The following DCHS2 variants were observed in gnomAD, a reference collection of about 807,000 sequenced individuals.
DCHS2 encodes protocadherin-23.
In DCHS2, 142 loss-of-function variants were observed where a neutral mutation model predicts 182.4. The observed-to-expected ratio is 0.78, with a 90% CI of 0.68 to 0.89. DCHS2 has a LOEUF of 0.89. Ranked by LOEUF, DCHS2 falls within the 40% of genes least tolerant of loss-of-function variation. The pLI is 0.00. For synonymous variants in DCHS2, 1,740 were observed against 1,663.3 expected (o/e 1.05, Z -1.12); for missense variants, 4,319 against 4,198.6 (o/e 1.03, Z -0.79).
At chr4:154,465,043 G>A (rs12501910) in intron 1 of DCHS2, among the ~76,000 whole-genome samples, 139,486 of 152,236 alleles carry the variant, frequency 0.92, 65,165 homozygotes, top group East Asian at 1. Context: ...TTAGTTATCA[G>A]TTGCTGCATA....
chr4:154,424,233 A>C (rs1733230660), intron 1 of DCHS2, among the ~76,000 whole-genome samples: 1 of 152,220 alleles, frequency 6.6e-6, no homozygotes, highest in African/African-American at 2.4e-5. Flanking sequence ...AGAAAAAGTA[A>C]ATCAGATCCT....
chr4:154,414,959 C>T (rs921994947), intron 1 of DCHS2, among the ~76,000 whole-genome samples: 4 of 152,146 alleles, frequency 2.6e-5, no homozygotes, highest in African/African-American at 9.7e-5. Flanking sequence ...TTGACAGCTG[C>T]TAAGAAGGTG....
chr4:154,302,331 G>A (rs958862975), intron 12 of DCHS2, among the ~76,000 whole-genome samples: 1 of 152,184 alleles, frequency 6.6e-6, no homozygotes, highest in African/African-American at 2.4e-5. Context: ...AGCGCCTTGC[G>A]CTCCCTGTGA....
At chr4:154,265,740 C>T (rs1164947691) in intron 14 of DCHS2, among the ~76,000 whole-genome samples, 1 of 151,072 alleles carries the variant, frequency 6.6e-6, no homozygotes, top group African/African-American at 2.4e-5. Context: ...CTGCAATGTA[C>T]ACATATTTCT....
intron 4 of DCHS2, 42 bp downstream of exon 4, chr4:154,334,826 C>A: frequency 1.4e-6 from 2 of 1,477,672 alleles, no homozygotes; most frequent in East Asian, 4.6e-5. Context: ...AAGAAATGTT[C>A]CAATAATGGA....
chr4:154,448,894 A>G (rs531022729), intron 1 of DCHS2, among the ~76,000 whole-genome samples: 16 of 152,300 alleles, frequency 1.1e-4, no homozygotes, highest in Admixed American at 4.6e-4. Context: ...ACACATTGCC[A>G]TATGCCATTC....
At chr4:154,482,735 A>G (rs1050787836) in intron 1 of DCHS2, among the ~76,000 whole-genome samples, 12 of 152,296 alleles carry the variant, frequency 7.9e-5, no homozygotes, top group Admixed American at 2.6e-4. Flanking sequence ...GGATGGATGG[A>G]TAGATGGATG....
intron 13 of DCHS2, among the ~76,000 whole-genome samples, chr4:154,296,627 GA>G (rs1264818384): frequency 6.6e-6 from 1 of 152,118 alleles, no homozygotes; most frequent in Admixed American, 6.6e-5. Context: ...TTCCAACAAA[GA>G]AATGTTAAAC....
In DCHS2 at chr4:154,235,371, T is replaced by C; in HGVS notation, c.9281A>G (p.His3094Arg). The C allele has an allele frequency of 6.2e-7, 1 of 1,614,072 alleles. No homozygotes were observed. The highest frequency in any genetic ancestry group is 8.5e-7 in the Non-Finnish European group (1 of 1,179,966). Residue 3094 changes from histidine (H) to arginine (R), a missense_variant, in exon 20 of 20, where the codon CAC becomes CGC. Physicochemically the swap from His to Arg is conservative, Grantham distance 29. Coordinates refer to ENST00000357232, the MANE Select transcript of DCHS2 (RefSeq NM_001358235.2). ...TGCAGTTTCTCCTTCCACAGAACAG[T>C]GGCCACTGGAGTTTGAGTGTCTGTA... ...NLYRHSNSSGHCSVEGETAED... is the reference protein window; with the variant it reads ...NLYRHSNSSGRCSVEGETAED...
intron 1 of DCHS2, among the ~76,000 whole-genome samples, chr4:154,443,993 C>T (rs1247928142): frequency 1.3e-5 from 2 of 152,126 alleles, no homozygotes; most frequent in Admixed American, 6.5e-5. Flanking sequence ...ATTCTCTTTG[C>T]TTCCAGGATC....
intron 13 of DCHS2, among the ~76,000 whole-genome samples, chr4:154,275,109 A>G (rs1007879084): frequency 1.3e-5 from 2 of 152,022 alleles, no homozygotes; most frequent in African/African-American, 4.8e-5. Context: ...AAGGCTCTGG[A>G]ACAAATAGTA....
rs1373335053 is a variant in DCHS2, at chr4:154,231,847, A to AAAAG, written c.*2685_*2688dup. 2 of 152,104 alleles carry AAAAG rather than the reference A, an allele frequency of 1.3e-5. No individual in the cohort carries two copies. Among genetic ancestry groups the AAAAG allele is most frequent in the African/African-American group, 4.8e-5 (2 of 41,446 alleles). The allele number at this position is 152,104 out of a possible 1,614,324, so 9.4% of individuals were successfully genotyped here. A position where few individuals can be genotyped will look rare whatever the true frequency, so the allele number is the denominator to read the frequency against. The stretch of plus-strand genomic sequence containing the variant: ...TGTAGAGTGCATTTTAATAATTTTT[A>AAAAG]AAAGAGTTAAATGATCAAATCCCTA... On this transcript the variant is annotated 3_prime_UTR_variant, in exon 20 of 20. Transcript: ENST00000357232.
chr4:154,378,647 C>T (rs114537756), intron 1 of DCHS2, among the ~76,000 whole-genome samples: 2,555 of 152,236 alleles, frequency 0.017, 84 homozygotes, highest in African/African-American at 0.059. Context: ...TAGGTACTAA[C>T]GTTCACTCTT....
intron 9 of DCHS2, among the ~76,000 whole-genome samples, chr4:154,317,887 A>G (rs1024310062): frequency 3.9e-5 from 6 of 152,232 alleles, no homozygotes; most frequent in African/African-American, 1.2e-4. Flanking sequence ...TGATGTGAAA[A>G]GCAGGGGTCT....
intron 1 of DCHS2, among the ~76,000 whole-genome samples, chr4:154,416,752 C>A (rs1236984115): frequency 2.0e-5 from 3 of 152,178 alleles, no homozygotes; most frequent in Non-Finnish European, 4.4e-5. Flanking sequence ...GCACGGTTTC[C>A]CCGGTGCTGC....
intron 1 of DCHS2, among the ~76,000 whole-genome samples, chr4:154,381,438 A>T (rs1356616412): frequency 6.6e-6 from 1 of 152,104 alleles, no homozygotes; most frequent in Non-Finnish European, 1.5e-5. Context: ...TCCTAGCCAG[A>T]GCAATCGGGC....
intron 14 of DCHS2, chr4:154,261,749 A>AT (rs1221783877): frequency 1.3e-5 from 2 of 152,194 alleles, no homozygotes; most frequent in African/African-American, 4.8e-5. Flanking sequence ...ACTCAGTATC[A>AT]TTTTTTGATA....
At chr4:154,362,899 T>C (rs146995698) in intron 3 of DCHS2, among the ~76,000 whole-genome samples, 1 of 152,168 alleles carries the variant, frequency 6.6e-6, no homozygotes, top group Non-Finnish European at 1.5e-5. Context: ...ATATAATACA[T>C]AAAACACACA....
intron 1 of DCHS2, among the ~76,000 whole-genome samples, chr4:154,378,216 G>A (rs982860768): frequency 1.3e-5 from 2 of 152,052 alleles, no homozygotes; most frequent in Admixed American, 6.6e-5. Context: ...AAAAGATGAA[G>A]CAAGTGAAAT....
Sources: gnomAD v4.1 joint callset for allele counts (sites outside exome capture counted in the v4.1 genomes callset) on GRCh38, gnomAD v4.1.1 for gene constraint, MANE v1.5 for transcripts, NCBI Gene and HGNC (gene_info 2026-07-23, HGNC 2026-07-21) for gene names.